The following HDAC8 variants were observed in gnomAD, a reference collection of about 807,000 sequenced individuals.
HDAC8 encodes histone deacetylase 8.
A neutral mutation model predicts 32.2 loss-of-function variants in HDAC8; 1 was observed. The ratio of observed to expected loss-of-function variants is 0.03; its 90% CI spans 0.01 to 0.15. The LOEUF (loss-of-function observed/expected upper bound fraction) is 0.15, where lower values mean the gene tolerates loss of function less well. Ranked by LOEUF, HDAC8 falls within the 10% of genes least tolerant of loss-of-function variation. The pLI is 1.00. For missense variants in HDAC8, 117 were observed against 300.0 expected, an observed-to-expected ratio of 0.39 and a Z score of 4.51; for synonymous variants, 108 against 113.9, an observed-to-expected ratio of 0.95 and a Z score of 0.33.
chrX:72,469,919 C>T (rs782584661), intron 7 of HDAC8, among the ~76,000 whole-genome samples: 14 of 110,373 alleles, frequency 1.3e-4, no homozygotes, highest in African/African-American at 3.0e-4. Context: ...GAGGCCGAGG[C>T]GGGCAGATCA....
intron 4 of HDAC8, among the ~76,000 whole-genome samples, chrX:72,538,332 C>T (rs1556040617): frequency 3.6e-5 from 4 of 109,851 alleles, no homozygotes; most frequent in Non-Finnish European, 5.7e-5. Context: ...TACAGGTGCG[C>T]ACCACCACAC....
intron 9 of HDAC8, among the ~76,000 whole-genome samples, chrX:72,413,368 C>T (rs2046253949): frequency 9.7e-6 from 1 of 103,410 alleles, no homozygotes; most frequent in Non-Finnish European, 2.0e-5. Flanking sequence ...ACATGCGCCA[C>T]GTGGCACATA....
intron 4 of HDAC8, among the ~76,000 whole-genome samples, chrX:72,539,019 C>G (rs994558553): frequency 9.0e-6 from 1 of 111,164 alleles, no homozygotes; most frequent in South Asian, 3.8e-4. Flanking sequence ...AATGTGGTGT[C>G]CTAGTGGGAT....
intron 9 of HDAC8, among the ~76,000 whole-genome samples, chrX:72,408,955 A>C (rs1261278123): frequency 8.9e-6 from 1 of 111,738 alleles, no homozygotes; most frequent in Non-Finnish European, 1.9e-5. Flanking sequence ...TAACACTCAG[A>C]ATATAGGGAA....
intron 4 of HDAC8, chrX:72,567,577 C>T (rs2051844172): frequency 4.3e-6 from 2 of 467,340 alleles, no homozygotes; most frequent in Non-Finnish European, 7.3e-6. Flanking sequence ...AATTTAGAGA[C>T]TGTCTAGTTG....
At chrX:72,459,637 C>T (rs896011988) in intron 9 of HDAC8, among the ~76,000 whole-genome samples, 1 of 111,472 alleles carries the variant, frequency 9.0e-6, no homozygotes, top group Admixed American at 9.5e-5. Context: ...ACTCTTCCTA[C>T]TGTCTTATTC....
intron 4 of HDAC8, among the ~76,000 whole-genome samples, chrX:72,549,419 T>C (rs2050989156): frequency 9.0e-6 from 1 of 111,512 alleles, no homozygotes. Flanking sequence ...GTGAAGGTGA[T>C]TCTCCTGAGC....
chrX:72,487,335 GAAAA>G (rs1184079105), intron 7 of HDAC8, among the ~76,000 whole-genome samples: 1 of 111,700 alleles, frequency 9.0e-6, no homozygotes, highest in African/African-American at 3.3e-5. Flanking sequence ...AAAAAAAAGA[GAAAA>G]TATAGGGTAG....
intron 9 of HDAC8, among the ~76,000 whole-genome samples, chrX:72,436,692 C>A (rs781827057): frequency 8.9e-6 from 1 of 111,759 alleles, no homozygotes; most frequent in Admixed American, 9.5e-5. Flanking sequence ...ATAAAACAGA[C>A]TTTCCTTATC....
chrX:72,527,105 T>A (rs911841851), intron 4 of HDAC8, among the ~76,000 whole-genome samples: 1 of 112,013 alleles, frequency 8.9e-6, no homozygotes, highest in Non-Finnish European at 1.9e-5. Flanking sequence ...CCTTAAGGAT[T>A]CAGCCCTCTT....
In HDAC8 at chrX:72,568,836, G is replaced by A. The variant is rs782349794; in HGVS notation, c.213C>T (p.His71=). 1.1e-5 allele frequency: 13 copies of A among 1,210,135 alleles called. No homozygotes were observed. In the Admixed American group the frequency reaches 2.6e-4, roughly 24 times the overall value. Residue 71 remains histidine, a synonymous_variant, in exon 3 of 11, where the codon CAC becomes CAT. Transcript: ENST00000373573. Reference sequence around the variant, plus strand: ...GGAGATGCTGCAGATAAGCATCAGTGTGGAAGGTGGCCATCTCCTCCATGG... The same window carrying A: ...GGAGATGCTGCAGATAAGCATCAGTATGGAAGGTGGCCATCTCCTCCATGG... ...VASMEEMATF[H]TDAYLQHLQK... is the part of the protein sequence containing the mutation.
intron 9 of HDAC8, among the ~76,000 whole-genome samples, chrX:72,414,497 A>G (rs1217450204): frequency 8.9e-6 from 1 of 112,369 alleles, no homozygotes; most frequent in Non-Finnish European, 1.9e-5. Flanking sequence ...AGACTTAGGA[A>G]ATCTCAAATG....
chrX:72,390,133 G>C (rs1185273357), intron 9 of HDAC8, among the ~76,000 whole-genome samples: 2 of 110,901 alleles, frequency 1.8e-5, no homozygotes, highest in African/African-American at 6.6e-5. Flanking sequence ...AGGGTAAATG[G>C]GGTATCCATC....
At chrX:72,468,394 A>G (rs782153015) in intron 7 of HDAC8, among the ~76,000 whole-genome samples, 14 of 111,327 alleles carry the variant, frequency 1.3e-4, no homozygotes, top group Non-Finnish European at 1.9e-5. Flanking sequence ...ACAGAGTAGG[A>G]GTGGAGCATC....
At chrX:72,491,873 A>G (rs1177550352) in intron 5 of HDAC8, among the ~76,000 whole-genome samples, 1 of 111,889 alleles carries the variant, frequency 8.9e-6, no homozygotes, top group Non-Finnish European at 1.9e-5. Flanking sequence ...GAGGACTATT[A>G]GCAAATTCAG....
At chrX:72,530,018 C>T (rs1556034860) in intron 4 of HDAC8, among the ~76,000 whole-genome samples, 3 of 112,433 alleles carry the variant, frequency 2.7e-5, no homozygotes, top group Non-Finnish European at 5.6e-5. Context: ...CCCAGCCATG[C>T]CTCCTCTACA....
chrX:72,535,393 T>A (rs1218657814), intron 4 of HDAC8, among the ~76,000 whole-genome samples: 3 of 111,298 alleles, frequency 2.7e-5, no homozygotes, highest in Admixed American at 9.5e-5. Context: ...TCTTTTTGTA[T>A]CTCTTGCCCA....
At chrX:72,350,077 A>G (rs2044133258) in intron 10 of HDAC8, among the ~76,000 whole-genome samples, 1 of 111,450 alleles carries the variant, frequency 9.0e-6, no homozygotes, top group Admixed American at 9.6e-5. Flanking sequence ...CTGCAACACC[A>G]TGAGAAGAAC....
intron 9 of HDAC8, among the ~76,000 whole-genome samples, chrX:72,421,431 T>C (rs2046488643): frequency 9.0e-6 from 1 of 111,213 alleles, no homozygotes; most frequent in Non-Finnish European, 1.9e-5. Flanking sequence ...TGTGTCCACG[T>C]GTTGGGGAAA....
Sources: gnomAD v4.1 joint callset for allele counts (sites outside exome capture counted in the v4.1 genomes callset) on GRCh38, gnomAD v4.1.1 for gene constraint, MANE v1.5 for transcripts, NCBI Gene and HGNC (gene_info 2026-07-23, HGNC 2026-07-21) for gene names.